Variants in TUBA3C observed in about 807,000 individuals in gnomAD.
The protein encoded by TUBA3C is tubulin alpha-3C chain.
Under a neutral mutation model 33.4 loss-of-function variants are expected in TUBA3C, and 23 were observed. The ratio of observed to expected loss-of-function variants is 0.69; its 90% CI spans 0.50 to 0.98. TUBA3C has a LOEUF of 0.98. Among genes scored for constraint, TUBA3C ranks in the 50% least tolerant of loss-of-function variants. The pLI is 0.00. For synonymous variants in TUBA3C, 269 were observed against 250.4 expected, an observed-to-expected ratio of 1.07 and a Z score of -0.70; for missense variants, 402 against 616.0, an observed-to-expected ratio of 0.65 and a Z score of 3.68.
At position 19,177,293 on chromosome 13, in the gene TUBA3C, C is replaced by A. The variant is rs1229754699; in HGVS notation, c.690G>T (p.Leu230=). The change falls in exon 4 of 5, where the codon CTG becomes CTT. Residue 230 remains leucine (L), a synonymous_variant. Transcript: ENST00000400113. This position sits in a 1 kb window ranked among gnomAD's most constrained non-coding sequence, Gnocchi z 5.0. ...TGATGGAGGACACGATCTGCCCAATCAGGCGATTGAGGTTGGTGTACGTGG... is the reference window on the plus strand; with the variant it reads ...TGATGGAGGACACGATCTGCCCAATAAGGCGATTGAGGTTGGTGTACGTGG... ...ERPTYTNLNR[L]IGQIVSSITA... 1.2e-6 allele frequency: 2 copies of A among 1,614,122 alleles called. No homozygotes were observed. Among genetic ancestry groups the A allele is most frequent in the Middle Eastern group, 1.7e-4 (1 of 6,054 alleles).
chr13:19,178,010 C>G (rs112335096), intron 3 of TUBA3C, among the ~76,000 whole-genome samples: 1 of 152,144 alleles, frequency 6.6e-6, no homozygotes, highest in Non-Finnish European at 1.5e-5. Flanking sequence ...CCACGCCTGA[C>G]TAATGTGTGT....
rs36214100 is a variant in TUBA3C at position 19,181,615 on chromosome 13, C to T, written c.3+130G>A. ...TGTCCTCGTGTCCCGCCCTGGGCCC[C>T]GCATCCTTCTCTGACCTCCTTTCTG... On this transcript the variant is annotated intron_variant, in intron 1 of 4. Transcript: ENST00000400113. 202 of 1,343,490 alleles carry T rather than the reference C, an allele frequency of 1.5e-4. No individual in the cohort carries two copies. The East Asian group carries it at 3.4e-3, about 23-fold the overall frequency. 83.2% of individuals were successfully genotyped at this position (1,343,490 alleles called of 1,614,324 possible). A position where few individuals can be genotyped will look rare whatever the true frequency, so the allele number is the denominator to read the frequency against.
Position 19,177,379 on chromosome 13 carries a change from A to C in TUBA3C, c.604T>G (p.Phe202Val). 6.2e-7 allele frequency: 1 copy of C among 1,614,106 alleles called. No homozygotes were observed. The highest frequency in any genetic ancestry group is 2.2e-5 in the East Asian group (1 of 44,862). The change falls in exon 4 of 5, where the codon TTC becomes GTC. Residue 202 changes from phenylalanine to valine, a missense_variant. By Grantham distance (50) the Phe-to-Val change is conservative. Transcript: ENST00000400113. The surrounding 1 kb of genome is among the most constrained non-coding windows in gnomAD (Gnocchi z 5.0). Reference protein sequence around the residue: ...HTTLEHSDCAFMVDNEAIYDI... With the variant: ...HTTLEHSDCAVMVDNEAIYDI... Reference sequence around the variant, plus strand: ...TAGATGGCTTCATTGTCGACCATGAAGGCACAGTCAGAATGTTCCAGGGTC... The same window carrying C: ...TAGATGGCTTCATTGTCGACCATGACGGCACAGTCAGAATGTTCCAGGGTC...
At position 19,177,815 on chromosome 13, in the gene TUBA3C, C is replaced by CGCAATAG. The variant is rs1318763421; in HGVS notation, c.376-215_376-209dup. Among the ~76,000 whole-genome samples, 2 of 150,334 alleles carry CGCAATAG rather than the reference C, an allele frequency of 1.3e-5. No individual in the cohort carries two copies. Among genetic ancestry groups the CGCAATAG allele is most frequent in the Non-Finnish European group, 3.0e-5 (2 of 67,782 alleles). ...TACTTCAGACTAAGACCATTGCAGA[C>CGCAATAG]GCAATAGGACTCAAGATACTGTTCT... is the stretch of plus-strand genomic sequence containing the variant. On this transcript the variant is annotated intron_variant, in intron 3 of 4. Coordinates refer to ENST00000400113, the MANE Select transcript of TUBA3C (RefSeq NM_006001.3). This position sits in a 1 kb window ranked among gnomAD's most constrained non-coding sequence, Gnocchi z 5.0.
intron 2 of TUBA3C, among the ~76,000 whole-genome samples, chr13:19,179,010 AG>A (rs1280345099): frequency 6.6e-6 from 1 of 152,186 alleles, no homozygotes; most frequent in Non-Finnish European, 1.5e-5. Flanking sequence ...CCAGCATAAG[AG>A]TACACAGCAT....
At chr13:19,178,417 T>C (rs1262231846) in intron 2 of TUBA3C, 23 bp from the exon 3 acceptor site, 2 of 1,613,356 alleles carry the variant, frequency 1.2e-6, no homozygotes, top group Non-Finnish European at 1.7e-6. Context: ...CCGTATGTAC[T>C]GTGAATCTTT....
At chr13:19,181,056 CTT>C (rs917256778) in intron 1 of TUBA3C, among the ~76,000 whole-genome samples, 31 of 139,784 alleles carry the variant, frequency 2.2e-4, no homozygotes, top group Admixed American at 3.6e-4. Flanking sequence ...GCGTTGGTTG[CTT>C]TTTTTTTTTT....
At position 19,178,409 on chromosome 13, in the gene TUBA3C, G is replaced by GT. The variant is rs746953167; in HGVS notation, c.227-16dup. 1 of 1,613,742 alleles carries GT rather than the reference G, an allele frequency of 6.2e-7. No individual in the cohort carries two copies. The highest frequency in any genetic ancestry group is 1.1e-5 in the South Asian group (1 of 91,026). ...GCGCACTTCATCTACAAAAGAGACC[G>GT]TATGTACTGTGAATCTTTAAGGCCT... On this transcript the variant is annotated splice_polypyrimidine_tract_variant and intron_variant, in intron 2 of 4. Coordinates refer to ENST00000400113, the MANE Select transcript of TUBA3C (RefSeq NM_006001.3).
chr13:19,174,268 A>T, intron 4 of TUBA3C, 109 bp from the exon 5 acceptor site: 1 of 1,409,572 alleles, frequency 7.1e-7, no homozygotes, highest in Non-Finnish European at 9.5e-7. Context: ...GAGAATTCTC[A>T]GTTCACCCCA....
In TUBA3C at chr13:19,177,594, G is replaced by C; in HGVS notation, c.389C>G (p.Thr130Arg). Residue 130 changes from threonine (T) to arginine (R), a missense_variant, in exon 4 of 5, where the codon ACG becomes AGG. Transcript: ENST00000400113. The surrounding 1 kb of genome is among the most constrained non-coding windows in gnomAD (Gnocchi z 5.0). The part of the protein sequence containing the change: ...DRIRKLADLC[T>R]GLQGFLIFHS... ...GAAGATGAGGAAGCCCTGCAGTCCC[G>C]TGCACAGATCCGCCTGAGGGAAACC... The C allele has an allele frequency of 6.3e-7, 1 of 1,587,414 alleles. No homozygotes were observed. Among genetic ancestry groups the C allele is most frequent in the Non-Finnish European group, 8.6e-7 (1 of 1,166,842 alleles).
chr13:19,178,682 C>A (rs36215406), intron 2 of TUBA3C, among the ~76,000 whole-genome samples: 1 of 152,138 alleles, frequency 6.6e-6, no homozygotes, highest in Non-Finnish European at 1.5e-5. Context: ...CTCCAGCACC[C>A]CCACACAGGT....
At chr13:19,178,109 G>A (rs943950100) in intron 3 of TUBA3C, 137 bp downstream of exon 3, 21 of 1,373,278 alleles carry the variant, frequency 1.5e-5, no homozygotes, top group Non-Finnish European at 1.9e-5. Context: ...GCCTCCCAAA[G>A]TGTTGGGATT....
At chr13:19,180,181 G>T (rs1279841751) in intron 1 of TUBA3C, among the ~76,000 whole-genome samples, 1 of 152,090 alleles carries the variant, frequency 6.6e-6, no homozygotes, top group African/African-American at 2.4e-5. Context: ...TGGCGTCAGG[G>T]TACTCTCCCC....
intron 1 of TUBA3C, among the ~76,000 whole-genome samples, chr13:19,180,145 C>T (rs1869351531): frequency 6.6e-6 from 1 of 152,174 alleles, no homozygotes; most frequent in Non-Finnish European, 1.5e-5. Flanking sequence ...CAGGCAGCCG[C>T]AGGAGACCAG....
At chr13:19,180,530 C>T (rs1032264256) in intron 1 of TUBA3C, among the ~76,000 whole-genome samples, 1 of 151,606 alleles carries the variant, frequency 6.6e-6, no homozygotes, top group Non-Finnish European at 1.5e-5. Flanking sequence ...TAAACAGAGT[C>T]TTGCTCTGTC....
Position 19,174,110 on chromosome 13 carries a change from G to A in TUBA3C, c.1106C>T (p.Ala369Val). 4 of 1,613,954 alleles carry A rather than the reference G, an allele frequency of 2.5e-6. No individual in the cohort carries two copies. The highest frequency in any genetic ancestry group is 3.4e-6 in the Non-Finnish European group (4 of 1,179,994). Residue 369 changes from alanine to valine, a missense_variant, in exon 5 of 5, where the codon GCC (alanine) becomes GTC (valine). By Grantham distance (64) the Ala-to-Val change is moderately conservative. Coordinates refer to ENST00000400113, the MANE Select transcript of TUBA3C (RefSeq NM_006001.3). ...PPTVVPGGDL[A>V]KVQRAVCMLS... Reference sequence around the variant, plus strand: ...CATGCACACAGCCCGCTGCACCTTGGCCAGGTCTCCCCCAGGGACCACCGT... The same window carrying A: ...CATGCACACAGCCCGCTGCACCTTGACCAGGTCTCCCCCAGGGACCACCGT...
Position 19,176,969 on chromosome 13 carries a change from C to T in TUBA3C, c.1014G>A (p.Lys338=), listed in dbSNP as rs1179927440. Residue 338 remains lysine (K), a synonymous_variant, in exon 4 of 5, where the codon AAG becomes AAA. Transcript: ENST00000400113. The stretch of plus-strand genomic sequence containing the variant: ...ACCAATCTACAAACTGGATGGTGCG[C>T]TTGGTCTTGATGGTGGCGATGGCCG... ...VNAAIATIKT[K]RTIQFVDWCP... is the part of the protein sequence containing the mutation. The T allele has an allele frequency of 1.2e-6, 2 of 1,613,980 alleles. No homozygotes were observed. The highest frequency in any genetic ancestry group is 4.5e-5 in the East Asian group (2 of 44,858).
At chr13:19,178,980 C>T (rs1221337672) in intron 2 of TUBA3C, among the ~76,000 whole-genome samples, 2 of 152,154 alleles carry the variant, frequency 1.3e-5, no homozygotes, top group East Asian at 1.9e-4. Flanking sequence ...GCCTAAGATG[C>T]AGGTCAAGAC....
At chr13:19,179,697 A>C in intron 1 of TUBA3C, 134 bp from the exon 2 acceptor site, 1 of 1,309,486 alleles carries the variant, frequency 7.6e-7, no homozygotes, top group Non-Finnish European at 1.0e-6. Context: ...ATTTCCTAGG[A>C]GGGTTAGGTG....
Sources: allele counts gnomAD v4.1 joint callset (sites outside exome capture counted in the v4.1 genomes callset), GRCh38; gene constraint gnomAD v4.1.1; non-coding constraint Gnocchi (gnomAD v3.1); transcripts MANE v1.5; gene names NCBI Gene and HGNC (gene_info 2026-07-23, HGNC 2026-07-21).